The following RAB27B variants were observed in gnomAD, a reference collection of about 807,000 sequenced individuals.
RAB27B encodes RAB27B, member RAS oncogene family, also known as ras-related protein Rab-27B.
RAB27B carries 15 observed loss-of-function variants against 24.6 expected under a neutral mutation model. That is an observed-to-expected ratio of 0.61 (90% CI 0.41 to 0.94). RAB27B has a LOEUF of 0.94. RAB27B is among the 40% of genes least tolerant of loss of function. RAB27B has a pLI of 0.00. For missense variants in RAB27B, 261 were observed against 266.8 expected, an observed-to-expected ratio of 0.98 and a Z score of 0.15; for synonymous variants, 105 against 92.5, an observed-to-expected ratio of 1.14 and a Z score of -0.78.
chr18:54,739,599 T>C (rs1362439657), intron 2 of RAB27B, among the ~76,000 whole-genome samples: 3 of 151,906 alleles, frequency 2.0e-5, no homozygotes, highest in East Asian at 1.9e-4. Flanking sequence ...ACCTTTGATC[T>C]TCAAATCTTT....
At chr18:54,864,750 T>A (rs956280476) in intron 1 of RAB27B, among the ~76,000 whole-genome samples, 1 of 152,212 alleles carries the variant, frequency 6.6e-6, no homozygotes, top group Non-Finnish European at 1.5e-5. Flanking sequence ...TTGTCTTCCA[T>A]TGATCTATTT....
At chr18:54,760,821 T>C (rs1424170725) in intron 2 of RAB27B, among the ~76,000 whole-genome samples, 1 of 152,120 alleles carries the variant, frequency 6.6e-6, no homozygotes, top group African/African-American at 2.4e-5. Context: ...TAGCTGTACC[T>C]GAAGCCCTGG....
Position 54,889,676 on chromosome 18 carries a change from A to C in RAB27B, c.*263A>C. 1 of 309,954 alleles carries C rather than the reference A, an allele frequency of 3.2e-6. No homozygotes were observed. The allele number at this position is 309,954 out of a possible 1,614,324, so 19.2% of individuals were successfully genotyped here. A position where few individuals can be genotyped will look rare whatever the true frequency, so the allele number is the denominator to read the frequency against. The stretch of plus-strand genomic sequence containing the variant: ...ATACTCAATTTGTTTTTTCTTATAG[A>C]GAAAATGAGTATATAAGACAATATA... On this transcript the variant is annotated 3_prime_UTR_variant, in exon 6 of 6. Coordinates refer to ENST00000262094, the MANE Select transcript of RAB27B (RefSeq NM_004163.4).
intron 2 of RAB27B, among the ~76,000 whole-genome samples, chr18:54,804,922 C>G (rs1180811607): frequency 1.4e-5 from 1 of 68,994 alleles, no homozygotes; most frequent in Non-Finnish European, 3.6e-5. Flanking sequence ...TTCTTTCTTT[C>G]TTTCTTTCTT....
chr18:54,771,607 T>A (rs922091429), intron 2 of RAB27B, among the ~76,000 whole-genome samples: 6 of 133,834 alleles, frequency 4.5e-5, no homozygotes, highest in African/African-American at 1.7e-4. Flanking sequence ...TGTGTGTGTG[T>A]GTGTGTGTGT....
intron 1 of RAB27B, among the ~76,000 whole-genome samples, chr18:54,843,777 T>A (rs927677885): frequency 1.3e-5 from 2 of 152,226 alleles, no homozygotes; most frequent in Non-Finnish European, 2.9e-5. Flanking sequence ...TGGAAAATGT[T>A]AATATAAAGT....
chr18:54,755,396 TTAAA>T (rs775055763), intron 2 of RAB27B, among the ~76,000 whole-genome samples: 26 of 151,982 alleles, frequency 1.7e-4, no homozygotes, highest in Middle Eastern at 3.4e-3. Context: ...TCTCAAAAAA[TTAAA>T]TAAATAAATA....
intron 2 of RAB27B, among the ~76,000 whole-genome samples, chr18:54,803,425 A>T (rs1016616703): frequency 2.6e-5 from 4 of 152,160 alleles, no homozygotes; most frequent in Non-Finnish European, 4.4e-5. Flanking sequence ...AATCCCAAAG[A>T]TCCTTGAGAA....
intron 2 of RAB27B, among the ~76,000 whole-genome samples, chr18:54,822,934 G>A (rs1197951663): frequency 6.6e-6 from 1 of 152,082 alleles, no homozygotes; most frequent in African/African-American, 2.4e-5. Context: ...GAAAAAATTA[G>A]ACAAAATTAC....
chr18:54,795,568 G>A (rs1909389968), intron 2 of RAB27B, among the ~76,000 whole-genome samples: 1 of 152,204 alleles, frequency 6.6e-6, no homozygotes, highest in African/African-American at 2.4e-5. Flanking sequence ...CAATCATGAT[G>A]AATGAAGGGC....
At chr18:54,829,990 A>T (rs1396063954) in intron 1 of RAB27B, among the ~76,000 whole-genome samples, 1 of 152,230 alleles carries the variant, frequency 6.6e-6, no homozygotes, top group Non-Finnish European at 1.5e-5. Flanking sequence ...ATGGCCTCTC[A>T]TACAGTGTTA....
At chr18:54,734,297 A>G (rs1909823409) in intron 2 of RAB27B, among the ~76,000 whole-genome samples, 1 of 152,128 alleles carries the variant, frequency 6.6e-6, no homozygotes. Context: ...TGTCTAAGCC[A>G]TGAGAATTTG....
At chr18:54,799,923 G>T (rs1464309297) in intron 2 of RAB27B, among the ~76,000 whole-genome samples, 3 of 152,096 alleles carry the variant, frequency 2.0e-5, no homozygotes, top group Admixed American at 2.0e-4. Flanking sequence ...TGGGATTACA[G>T]GTGTAAGCCA....
intron 2 of RAB27B, among the ~76,000 whole-genome samples, chr18:54,799,482 G>A (rs1909527850): frequency 6.6e-6 from 1 of 151,436 alleles, no homozygotes. Flanking sequence ...AAATATATAT[G>A]TTTCAGATTG....
intron 2 of RAB27B, among the ~76,000 whole-genome samples, chr18:54,817,087 G>A (rs1235869261): frequency 6.6e-6 from 1 of 152,048 alleles, no homozygotes; most frequent in Non-Finnish European, 1.5e-5. Flanking sequence ...CAAAGTTACT[G>A]AAATTTAAAG....
chr18:54,838,474 C>T (rs1910980750), intron 1 of RAB27B, among the ~76,000 whole-genome samples: 1 of 152,158 alleles, frequency 6.6e-6, no homozygotes. Flanking sequence ...GGGTGCTTCA[C>T]ACTCTCCATC....
intron 2 of RAB27B, among the ~76,000 whole-genome samples, chr18:54,764,134 T>C (rs975112394): frequency 5.9e-5 from 9 of 152,176 alleles, no homozygotes; most frequent in Admixed American, 2.6e-4. Flanking sequence ...TACCTCTTTC[T>C]TCCTCCTAGC....
At chr18:54,773,305 A>G (rs968161598) in intron 2 of RAB27B, among the ~76,000 whole-genome samples, 1 of 152,212 alleles carries the variant, frequency 6.6e-6, no homozygotes, top group Non-Finnish European at 1.5e-5. Context: ...TACCTTCTAA[A>G]TGGAAGCTCA....
intron 2 of RAB27B, among the ~76,000 whole-genome samples, chr18:54,792,638 C>T (rs983147086): frequency 6.6e-6 from 1 of 152,092 alleles, no homozygotes; most frequent in Non-Finnish European, 1.5e-5. Flanking sequence ...CTAGTTATTA[C>T]TATAATTGCT....
Sources: allele counts gnomAD v4.1 joint callset (sites outside exome capture counted in the v4.1 genomes callset), GRCh38; gene constraint gnomAD v4.1.1; transcripts MANE v1.5; gene names NCBI Gene and HGNC (gene_info 2026-07-23, HGNC 2026-07-21).